Variants in CPZ observed in about 807,000 individuals in gnomAD.
The protein encoded by CPZ is carboxypeptidase Z, also known as VEZT/CPZ fusion.
In CPZ, 103 loss-of-function variants were observed where a neutral mutation model predicts 61.8. The observed-to-expected ratio is 1.67, with a 90% confidence interval of 1.42 to 1.96. CPZ has a LOEUF of 1.96. CPZ is among the 30% of genes most tolerant of loss of function. The pLI, the probability that CPZ is intolerant of heterozygous loss-of-function variation, is 0.00. For synonymous variants in CPZ, 551 were observed against 373.7 expected, an observed-to-expected ratio of 1.47 and a Z score of -5.47; for missense variants, 1,461 against 914.9, an observed-to-expected ratio of 1.60 and a Z score of -7.70.
intron 1 of CPZ, among the ~76,000 whole-genome samples, chr4:8,598,111 CTT>C (rs1196608647): frequency 1.3e-5 from 2 of 152,234 alleles, no homozygotes; most frequent in Non-Finnish European, 2.9e-5. Flanking sequence ...GTGTGGACCT[CTT>C]TTGTCATCTG....
chr4:8,606,617 A>G lies in CPZ; in HGVS notation c.907-120A>G, dbSNP rs761745841. ...TCAGGCATGCCCCCGAGCTCATCAC[A>G]TAAAGCCGGGGGAAACCGCAGCCCC... On this transcript the variant is annotated intron_variant, in intron 5 of 10. Coordinates refer to ENST00000360986, the MANE Select transcript of CPZ (RefSeq NM_001014447.3). 32 of 1,312,456 alleles carry G rather than the reference A, an allele frequency of 2.4e-5. No individual in the cohort carries two copies. In the East Asian group the frequency reaches 5.8e-4, roughly 24 times the overall value. 81.3% of individuals were successfully genotyped at this position (1,312,456 alleles called of 1,614,324 possible).
At chr4:8,617,477 G>T (rs1425960102) in intron 9 of CPZ, among the ~76,000 whole-genome samples, 1 of 152,166 alleles carries the variant, frequency 6.6e-6, no homozygotes, top group Admixed American at 6.5e-5. Flanking sequence ...TCCATATAAA[G>T]TATTTAAAAT....
chr4:8,592,962 G>A (rs1197994522), intron 1 of CPZ, 41 bp downstream of exon 1: 1 of 1,433,850 alleles, frequency 7.0e-7, no homozygotes, highest in African/African-American at 1.4e-5. Flanking sequence ...CCTCCACCCT[G>A]CAACCTCTGG....
intron 1 of CPZ, among the ~76,000 whole-genome samples, chr4:8,598,448 G>C (rs1421478562): frequency 6.6e-6 from 1 of 152,234 alleles, no homozygotes; most frequent in Non-Finnish European, 1.5e-5. Flanking sequence ...TTTGGCTGGA[G>C]GTGAAGTCAC....
rs902378300 is a variant in CPZ, at chr4:8,601,020, C to T, written c.122-103C>T. 3.5e-6 allele frequency: 5 copies of T among 1,441,170 alleles called. No individual in the cohort carries two copies. The African/African-American group carries it at 7.1e-5, about 21-fold the overall frequency. The allele number at this position is 1,441,170 out of a possible 1,614,324, so 89.3% of individuals were successfully genotyped here. A position where few individuals can be genotyped will look rare whatever the true frequency, so the allele number is the denominator to read the frequency against. On this transcript the variant is annotated intron_variant, in intron 2 of 10. Coordinates refer to ENST00000360986, the MANE Select transcript of CPZ (RefSeq NM_001014447.3). ...CCCTGCCAGACCGTGGGTGCCCCTC[C>T]CTGCAGGCCCTGGCCCTGCGTGGGG...
intron 5 of CPZ, among the ~76,000 whole-genome samples, chr4:8,606,393 C>A (rs761275734): frequency 6.6e-6 from 1 of 151,976 alleles, no homozygotes; most frequent in African/African-American, 2.4e-5. Flanking sequence ...AAAGGTGATG[C>A]GTGTGATAGA....
intron 7 of CPZ, chr4:8,611,116 C>T: frequency 2.4e-6 from 1 of 421,948 alleles, no homozygotes. Flanking sequence ...ACTCACTGGG[C>T]CCTGCCTGTC....
intron 6 of CPZ, 121 bp from the exon 7 acceptor site, chr4:8,607,146 T>C (rs112304692): frequency 2.4e-6 from 3 of 1,250,236 alleles, no homozygotes; most frequent in Non-Finnish European, 3.3e-6. Flanking sequence ...GCTGGTGCGT[T>C]GATGTAGAGA....
chr4:8,602,469 C>T (rs1469007662), intron 3 of CPZ: 3 of 152,276 alleles, frequency 2.0e-5, no homozygotes, highest in African/African-American at 7.2e-5. Context: ...AGCCTAGGGC[C>T]AGTGTGTGCC....
At chr4:8,611,635 A>G (rs946081894) in intron 7 of CPZ, among the ~76,000 whole-genome samples, 1 of 152,054 alleles carries the variant, frequency 6.6e-6, no homozygotes, top group African/African-American at 2.4e-5. Context: ...AATGCAGCCC[A>G]CCCTTGCCTT....
intron 2 of CPZ, 104 bp downstream of exon 2, chr4:8,599,589 A>G (rs1453435258): frequency 6.4e-7 from 1 of 1,558,246 alleles, no homozygotes; most frequent in Non-Finnish European, 8.7e-7. Flanking sequence ...AGAAGTGGGT[A>G]ATGGATAACA....
At chr4:8,615,738 G>C (rs905549282) in intron 9 of CPZ, among the ~76,000 whole-genome samples, 1 of 152,188 alleles carries the variant, frequency 6.6e-6, no homozygotes, top group East Asian at 1.9e-4. Context: ...TGGCCTGTCT[G>C]GTGTCGCCCA....
rs1310539326 is a variant in CPZ, at chr4:8,614,450, C to T, written c.1455C>T (p.Tyr485=). Residue 485 remains tyrosine (Y), a synonymous_variant, in exon 9 of 11, where the codon TAC becomes TAT. Transcript: ENST00000360986. The stretch of plus-strand genomic sequence containing the variant: ...AGTTCCCCCCCGAGGAGGCCCTGTA[C>T]ATACTCTGGCAGCACAACAAGGAGT... ...CVKFPPEEAL[Y]ILWQHNKESL... is the part of the protein sequence containing the mutation. 1.2e-6 allele frequency: 2 copies of T among 1,614,070 alleles called. No homozygotes were observed. The highest frequency in any genetic ancestry group is 1.7e-6 in the Non-Finnish European group (2 of 1,179,980).
At chr4:8,607,491 C>G in intron 7 of CPZ, 66 bp downstream of exon 7, 1 of 1,548,712 alleles carries the variant, frequency 6.5e-7, no homozygotes, top group South Asian at 1.2e-5. Context: ...GGAGCTGGTG[C>G]CCCTCCAGTC....
In CPZ at chr4:8,593,839, C is replaced by T. The variant is rs541477506; in HGVS notation, c.88+918C>T. ...CCTGTTGATGCCTGGATTTTCCTCCCACCTCTGCTCCTCGCCTTACCTCTG... is the reference window on the plus strand; with the variant it reads ...CCTGTTGATGCCTGGATTTTCCTCCTACCTCTGCTCCTCGCCTTACCTCTG... On this transcript the variant is annotated intron_variant, in intron 1 of 10. Transcript: ENST00000360986. 7.2e-5 allele frequency among the ~76,000 whole-genome samples: 11 copies of T among 152,312 alleles called. No homozygotes were observed. The East Asian group carries it at 2.1e-3, about 29-fold the overall frequency.
rs560200636 is a variant in CPZ, at chr4:8,612,818, G to A, written c.1363+656G>A. 7.2e-5 allele frequency among the ~76,000 whole-genome samples: 11 copies of A among 152,324 alleles called. No individual in the cohort carries two copies. In the East Asian group the frequency reaches 1.7e-3, roughly 24 times the overall value. ...ATGAGAGCGCTGGGCTCAGCTGAGAGAAGGACTTGCTGGAGGCCCAGGGCC... is the reference window on the plus strand; with the variant it reads ...ATGAGAGCGCTGGGCTCAGCTGAGAAAAGGACTTGCTGGAGGCCCAGGGCC... On this transcript the variant is annotated intron_variant, in intron 8 of 10. Coordinates refer to ENST00000360986, the MANE Select transcript of CPZ (RefSeq NM_001014447.3).
At chr4:8,605,893 A>C in intron 4 of CPZ, 96 bp from the exon 5 acceptor site, 1 of 1,237,408 alleles carries the variant, frequency 8.1e-7, no homozygotes, top group Non-Finnish European at 1.1e-6. Context: ...AATTGGTCCC[A>C]GCCCATCTGG....
intron 3 of CPZ, chr4:8,602,113 A>T (rs1427151987): frequency 6.6e-6 from 1 of 152,338 alleles, no homozygotes; most frequent in Non-Finnish European, 1.5e-5. Context: ...CAGATGAAAC[A>T]GTGGAGGGGG....
At position 8,612,044 on chromosome 4, in the gene CPZ, C is replaced by T. The variant is rs1715744092; in HGVS notation, c.1245C>T (p.Ser415=). The change falls in exon 8 of 11, where the codon TCC becomes TCT. Residue 415 remains serine, a synonymous_variant. Transcript: ENST00000360986. ...TTTTCCAGATGTTCAAGCTGCTGTC[C>T]AGAGCCTACGCTGACGTCCACCCCA... The part of the protein sequence containing the change: ...TPDEKMFKLL[S]RAYADVHPMM... 4 of 1,613,988 alleles carry T rather than the reference C, an allele frequency of 2.5e-6. No homozygotes were observed. The highest frequency in any genetic ancestry group is 3.3e-4 in the Middle Eastern group (2 of 6,062).
Sources: allele counts gnomAD v4.1 joint callset (sites outside exome capture counted in the v4.1 genomes callset), GRCh38; gene constraint gnomAD v4.1.1; transcripts MANE v1.5; gene names NCBI Gene and HGNC (gene_info 2026-07-23, HGNC 2026-07-21).